Variants in NEMF observed in about 807,000 individuals in gnomAD.
NEMF encodes the protein nuclear export mediator factor.
A neutral mutation model predicts 162.2 loss-of-function variants in NEMF; 89 were observed. The observed-to-expected ratio is 0.55, with a 90% confidence interval of 0.46 to 0.65. The LOEUF (loss-of-function observed/expected upper bound fraction) is 0.65, where lower values mean the gene tolerates loss of function less well. Ranked by LOEUF, NEMF falls within the 30% of genes least tolerant of loss-of-function variation. The pLI is 0.00. For synonymous variants in NEMF, 421 were observed against 404.5 expected (o/e 1.04, Z -0.49); for missense variants, 1,133 against 1,261.9 (o/e 0.90, Z 1.55).
At chr14:49,793,450 G>A (rs777305931) in intron 26 of NEMF, among the ~76,000 whole-genome samples, 22 of 152,292 alleles carry the variant, frequency 1.4e-4, no homozygotes, top group East Asian at 3.9e-4. Flanking sequence ...AGGCTGAGGC[G>A]GGCAGATTGC....
chr14:49,826,730 G>C (rs1268378910), intron 15 of NEMF, among the ~76,000 whole-genome samples: 1 of 152,054 alleles, frequency 6.6e-6, no homozygotes, highest in African/African-American at 2.4e-5. Context: ...ACAACACAAA[G>C]ATTCTACTTT....
chr14:49,827,335 C>T (rs1308160547), intron 15 of NEMF, among the ~76,000 whole-genome samples: 3 of 152,062 alleles, frequency 2.0e-5, no homozygotes, highest in Non-Finnish European at 2.9e-5. Context: ...TACAGGTACC[C>T]GCCATCACCT....
chr14:49,811,303 A>C (rs150796972), intron 18 of NEMF, among the ~76,000 whole-genome samples: 184 of 152,338 alleles, frequency 1.2e-3, no homozygotes, highest in African/African-American at 4.2e-3. Flanking sequence ...CTGATCTCAT[A>C]TCCTGGACAT....
At chr14:49,789,980 T>C (rs1369614884) in intron 26 of NEMF, among the ~76,000 whole-genome samples, 9 of 152,194 alleles carry the variant, frequency 5.9e-5, no homozygotes, top group African/African-American at 2.2e-4. Context: ...CTAGAGGCTT[T>C]CAAGACTCTG....
At position 49,844,882 on chromosome 14, in the gene NEMF, C is replaced by T. The variant is rs539783095; in HGVS notation, c.357+1258G>A. On this transcript the variant is annotated intron_variant, in intron 4 of 32. Transcript: ENST00000298310. ...CTCCCAGGTTCAAGTGATTCTCCTG[C>T]CTCAGCCTCCCGAGTAGCTGGGACT... 3.0e-4 allele frequency: 106 copies of T among 351,688 alleles called. 2 individuals carry two copies. Among genetic ancestry groups the T allele is most frequent in the South Asian group, 2.1e-3 (103 of 49,106 alleles). 21.8% of individuals were successfully genotyped at this position (351,688 alleles called of 1,614,324 possible).
At chr14:49,828,459 A>G in intron 14 of NEMF, 105 bp from the exon 15 acceptor site, 1 of 971,156 alleles carries the variant, frequency 1.0e-6, no homozygotes, top group Non-Finnish European at 1.5e-6. Context: ...ACAAATCAGA[A>G]CAAACTGTAT....
rs1594713291 is a variant in NEMF, at chr14:49,784,922, T to C, written c.3153+3A>G. The C allele has an allele frequency of 1.2e-6, 2 of 1,611,942 alleles. No homozygotes were observed. ...ACATTCCTTTTCTGAAGGAGAACTT[T>C]ACCTTTACGCTGCGGAATAAGTCTT... is the stretch of plus-strand genomic sequence containing the variant. On this transcript the variant is annotated splice_donor_region_variant and intron_variant, in intron 32 of 32. Transcript: ENST00000298310.
intron 18 of NEMF, among the ~76,000 whole-genome samples, chr14:49,809,768 G>A (rs943336270): frequency 6.6e-6 from 1 of 152,166 alleles, no homozygotes; most frequent in African/African-American, 2.4e-5. Flanking sequence ...GGCTGAGGCA[G>A]GAGAATCGCT....
chr14:49,824,276 G>A (rs1892229156), intron 16 of NEMF, among the ~76,000 whole-genome samples: 1 of 152,040 alleles, frequency 6.6e-6, no homozygotes, highest in Non-Finnish European at 1.5e-5. Flanking sequence ...GGGGCGTGGT[G>A]GCTCACGCCT....
chr14:49,793,925 T>C (rs1386641497), intron 26 of NEMF, among the ~76,000 whole-genome samples: 1 of 152,124 alleles, frequency 6.6e-6, no homozygotes, highest in African/African-American at 2.4e-5. Flanking sequence ...TTTTCCAGAT[T>C]TGTCATTTGT....
rs535535135 is a variant in NEMF at position 49,783,669 on chromosome 14, A to T, written c.*967T>A. The T allele has an allele frequency of 1.3e-5, 2 of 151,910 alleles. No homozygotes were observed. The highest frequency in any genetic ancestry group is 2.9e-5 in the Non-Finnish European group (2 of 67,884). 9.4% of individuals were successfully genotyped at this position (151,910 alleles called of 1,614,324 possible). On this transcript the variant is annotated 3_prime_UTR_variant, in exon 33 of 33. Transcript: ENST00000298310. ...AAGCCTAAAATGCGCTTCTGGTATT[A>T]TAGGTTAAGATACTCTAACGTGCTA...
At chr14:49,786,926 T>C in intron 28 of NEMF, 176 bp from the exon 29 acceptor site, 1 of 572,372 alleles carries the variant, frequency 1.7e-6, no homozygotes, top group Non-Finnish European at 3.1e-6. Context: ...TTCGTATATG[T>C]GTTTGTGTGT....
intron 6 of NEMF, 48 bp from the exon 7 acceptor site, chr14:49,834,497 TTTTG>T (rs747892870): frequency 1.5e-6 from 2 of 1,344,386 alleles, no homozygotes; most frequent in Non-Finnish European, 2.1e-6. Flanking sequence ...ATAAATTCTT[TTTTG>T]TTTTTGTTTT....
chr14:49,809,221 G>A (rs562715391), intron 18 of NEMF, among the ~76,000 whole-genome samples: 1 of 152,316 alleles, frequency 6.6e-6, no homozygotes, highest in South Asian at 2.1e-4. Flanking sequence ...ACAAAAACCT[G>A]CACAGATGTT....
chr14:49,813,663 GT>G (rs1323103240), intron 18 of NEMF, among the ~76,000 whole-genome samples: 176 of 906 alleles, frequency 0.19, 2 homozygotes, highest in Middle Eastern at 0.5. Context: ...TTTTTATTAG[GT>G]GTGTGTGTGT....
intron 18 of NEMF, among the ~76,000 whole-genome samples, chr14:49,810,090 C>T (rs376265782): frequency 4.0e-5 from 6 of 150,374 alleles, no homozygotes; most frequent in Non-Finnish European, 5.9e-5. Context: ...AAAAAGAGGC[C>T]GGGTGCGGTG....
intron 3 of NEMF, among the ~76,000 whole-genome samples, chr14:49,847,116 C>T (rs1207733758): frequency 1.3e-5 from 2 of 150,334 alleles, no homozygotes; most frequent in Non-Finnish European, 1.5e-5. Context: ...GAAGTTCTGA[C>T]CTCGTGATCC....
rs1391125434 is a variant in NEMF, at chr14:49,784,033, C to T, written c.*603G>A. 2 of 151,914 alleles carry T rather than the reference C, an allele frequency of 1.3e-5. No individual in the cohort carries two copies. The highest frequency in any genetic ancestry group is 4.8e-5 in the African/African-American group (2 of 41,362). 9.4% of individuals were successfully genotyped at this position (151,914 alleles called of 1,614,324 possible). Reference sequence around the variant, plus strand: ...TAAGCAATCAAGCCACTTCACTGTTCAGTTTCTTTACATCATGAAATGAAT... The same window carrying T: ...TAAGCAATCAAGCCACTTCACTGTTTAGTTTCTTTACATCATGAAATGAAT... On this transcript the variant is annotated 3_prime_UTR_variant, in exon 33 of 33. Transcript: ENST00000298310.
At chr14:49,809,592 G>T (rs1364766455) in intron 18 of NEMF, among the ~76,000 whole-genome samples, 2 of 152,208 alleles carry the variant, frequency 1.3e-5, no homozygotes, top group Non-Finnish European at 2.9e-5. Context: ...GCTGGGCTTG[G>T]TGACTCATGC....
Sources: allele counts gnomAD v4.1 joint callset (sites outside exome capture counted in the v4.1 genomes callset), GRCh38; gene constraint gnomAD v4.1.1; transcripts MANE v1.5; gene names NCBI Gene and HGNC (gene_info 2026-07-23, HGNC 2026-07-21).